TRERF1: variants seen among roughly 807,000 people sequenced by gnomAD.
TRERF1 encodes transcriptional regulating factor 1.
A neutral mutation model predicts 122.9 loss-of-function variants in TRERF1; 27 were observed. The ratio of observed to expected loss-of-function variants is 0.22; its 90% CI spans 0.16 to 0.30. The LOEUF (loss-of-function observed/expected upper bound fraction) is 0.30, where lower values mean the gene tolerates loss of function less well. Ranked by LOEUF, TRERF1 falls within the 10% of genes least tolerant of loss-of-function variation. The pLI, the probability that TRERF1 is intolerant of heterozygous loss-of-function variation, is 1.00. For synonymous variants in TRERF1, 636 were observed against 641.7 expected (o/e 0.99, Z 0.13); for missense variants, 1,248 against 1,560.3 (o/e 0.80, Z 3.37).
At chr6:42,394,670 T>C (rs1471900003) in intron 2 of TRERF1, among the ~76,000 whole-genome samples, 1 of 152,040 alleles carries the variant, frequency 6.6e-6, no homozygotes, top group Non-Finnish European at 1.5e-5. Flanking sequence ...ACAATAATAA[T>C]ATAGCAATAC....
chr6:42,274,746 C>T (rs1296271820), intron 4 of TRERF1, among the ~76,000 whole-genome samples: 2 of 151,948 alleles, frequency 1.3e-5, no homozygotes, highest in Non-Finnish European at 1.5e-5. Flanking sequence ...TTTCCTAAAA[C>T]ACCATAGGGA....
intron 2 of TRERF1, among the ~76,000 whole-genome samples, chr6:42,397,970 A>G (rs1368086005): frequency 6.6e-6 from 1 of 152,194 alleles, no homozygotes; most frequent in African/African-American, 2.4e-5. Context: ...AAATATTTTC[A>G]CAAGCATTCC....
intron 2 of TRERF1, among the ~76,000 whole-genome samples, chr6:42,430,166 C>G (rs996367211): frequency 1.3e-5 from 2 of 151,786 alleles, no homozygotes; most frequent in Non-Finnish European, 2.9e-5. Context: ...TTGGTGGGGG[C>G]CGCTGATGGG....
chr6:42,302,670 T>C (rs11751924), intron 3 of TRERF1, among the ~76,000 whole-genome samples: 12,945 of 152,254 alleles, frequency 0.085, 598 homozygotes, highest in African/African-American at 0.12. Context: ...TCTCTGAATG[T>C]TGGCAAAGGG....
Position 42,256,951 on chromosome 6 carries a change from A to G in TRERF1, c.2476+12T>C, listed in dbSNP as rs756487908. On this transcript the variant is annotated intron_variant, in intron 11 of 17. Coordinates refer to ENST00000372922, the Ensembl canonical transcript of TRERF1. ...AAACCTCTCCCACCCAGCTCTTCCC[A>G]TATGCCAATACCTCTTTGCTGGAGG... The G allele has an allele frequency of 6.2e-6, 10 of 1,614,114 alleles. No individual in the cohort carries two copies. In the East Asian group the frequency reaches 1.1e-4, roughly 18 times the overall value.
chr6:42,270,768 CTTTTTTT>C (rs1175342905), intron 4 of TRERF1, among the ~76,000 whole-genome samples: 2,144 of 119,602 alleles, frequency 0.018, 63 homozygotes, highest in African/African-American at 0.061. Flanking sequence ...GACCTCATCT[CTTTTTTT>C]TTTTTTTTTT....
At chr6:42,257,123 A>T (rs1776890053) in intron 10 of TRERF1, 21 bp from the exon 11 acceptor site, 3 of 1,613,574 alleles carry the variant, frequency 1.9e-6, no homozygotes, top group Non-Finnish European at 2.5e-6. Flanking sequence ...CAAGAAGAAA[A>T]ACAACAATGT....
At chr6:42,317,343 G>A (rs995587844) in intron 3 of TRERF1, among the ~76,000 whole-genome samples, 1 of 151,322 alleles carries the variant, frequency 6.6e-6, no homozygotes, top group African/African-American at 2.4e-5. Context: ...TTCCTCCTCA[G>A]TAGTTTTTGT....
chr6:42,450,948 A>G (rs1788368655), intron 2 of TRERF1, among the ~76,000 whole-genome samples: 1 of 152,160 alleles, frequency 6.6e-6, no homozygotes, highest in Admixed American at 6.5e-5. Flanking sequence ...AGGGTTGCCA[A>G]TTATAGCGCC....
At chr6:42,286,188 C>G (rs1167627911) in intron 4 of TRERF1, among the ~76,000 whole-genome samples, 2 of 146,948 alleles carry the variant, frequency 1.4e-5, no homozygotes, top group Non-Finnish European at 3.0e-5. Context: ...CATAAAAACC[C>G]TAGAAGAAAA....
At chr6:42,330,344 A>G (rs568062553) in intron 3 of TRERF1, among the ~76,000 whole-genome samples, 96 of 152,314 alleles carry the variant, frequency 6.3e-4, no homozygotes, top group African/African-American at 2.0e-3. Flanking sequence ...TAGGGGGAAA[A>G]AGCTAGTAAA....
intron 2 of TRERF1, among the ~76,000 whole-genome samples, chr6:42,396,923 G>C (rs1008889156): frequency 6.6e-6 from 1 of 152,134 alleles, no homozygotes; most frequent in Non-Finnish European, 1.5e-5. Flanking sequence ...ACACCCTGAA[G>C]GAGGCGCTGC....
At chr6:42,443,991 T>C (rs1787008082) in intron 2 of TRERF1, among the ~76,000 whole-genome samples, 1 of 152,118 alleles carries the variant, frequency 6.6e-6, no homozygotes, top group East Asian at 1.9e-4. Context: ...GCCCTCTTTT[T>C]ACAGATGTAG....
chr6:42,373,641 TG>T (rs1183886893), intron 2 of TRERF1, among the ~76,000 whole-genome samples: 1 of 151,742 alleles, frequency 6.6e-6, no homozygotes, highest in East Asian at 2.0e-4. Context: ...CACTCCAGCC[TG>T]GGCAACAGAG....
chr6:42,291,680 C>A (rs1319242248), intron 4 of TRERF1, among the ~76,000 whole-genome samples: 1 of 151,612 alleles, frequency 6.6e-6, no homozygotes, highest in African/African-American at 2.4e-5. Flanking sequence ...ACTACAGGCG[C>A]CTGCCACCAC....
chr6:42,273,635 T>C (rs897585260), intron 4 of TRERF1, among the ~76,000 whole-genome samples: 5 of 152,170 alleles, frequency 3.3e-5, no homozygotes, highest in Non-Finnish European at 7.3e-5. Context: ...GGACATCATG[T>C]CCTTGTCCAG....
intron 3 of TRERF1, among the ~76,000 whole-genome samples, chr6:42,321,791 C>A (rs1357969316): frequency 6.6e-6 from 1 of 152,098 alleles, no homozygotes; most frequent in Non-Finnish European, 1.5e-5. Context: ...AAAAACTCTA[C>A]CAATTTTTAA....
At chr6:42,340,389 CT>C (rs1767025150) in intron 3 of TRERF1, among the ~76,000 whole-genome samples, 1 of 152,142 alleles carries the variant, frequency 6.6e-6, no homozygotes, top group Admixed American at 6.5e-5. Context: ...AGGGTTCTTT[CT>C]GGTGGCAATG....
At chr6:42,307,269 T>C (rs1455030401) in intron 3 of TRERF1, among the ~76,000 whole-genome samples, 1 of 152,202 alleles carries the variant, frequency 6.6e-6, no homozygotes, top group African/African-American at 2.4e-5. Flanking sequence ...ATACTATTCC[T>C]TTCATTAAGT....
Sources: allele counts gnomAD v4.1 joint callset (sites outside exome capture counted in the v4.1 genomes callset), GRCh38; gene constraint gnomAD v4.1.1; transcripts MANE v1.5; gene names NCBI Gene and HGNC (gene_info 2026-07-23, HGNC 2026-07-21).